Variants in TENM3 observed in about 807,000 individuals in gnomAD.
TENM3 encodes teneurin transmembrane protein 3.
A neutral mutation model predicts 255.1 loss-of-function variants in TENM3; 63 were observed. That is an observed-to-expected ratio of 0.25 (90% CI 0.20 to 0.30). The LOEUF (loss-of-function observed/expected upper bound fraction) is 0.30. Among genes scored for constraint, TENM3 ranks in the 10% least tolerant of loss-of-function variants. The probability of loss-of-function intolerance (pLI) is 1.00; values close to 1 mark genes in which losing one functional copy is unlikely to be tolerated. For missense variants in TENM3, 2,929 were observed against 3,461.1 expected (o/e 0.85, Z 3.86); for synonymous variants, 1,306 against 1,322.3 (o/e 0.99, Z 0.27).
chr4:181,689,987 G>A, the TENM3 span, among the ~76,000 whole-genome samples: 1 of 152,130 alleles, frequency 6.6e-6, no homozygotes, highest in Admixed American at 6.6e-5. Context: ...AGGTGATGCA[G>A]GGGTGCGGTT....
chr4:181,751,415 G>GAA, the TENM3 span, among the ~76,000 whole-genome samples: 1,822 of 114,658 alleles, frequency 0.016, 37 homozygotes, highest in African/African-American at 0.043. Flanking sequence ...CCTTCCAAAG[G>GAA]AAAAAAAAAA....
chr4:182,296,982 C>G (rs1216410153), intron 1 of TENM3, among the ~76,000 whole-genome samples: 2 of 152,198 alleles, frequency 1.3e-5, no homozygotes, highest in African/African-American at 4.8e-5. Flanking sequence ...AGGCCATACA[C>G]AAAGAAGGGA....
the TENM3 span, chr4:181,522,877 T>C: frequency 1.0e-6 from 1 of 993,386 alleles, no homozygotes; most frequent in Non-Finnish European, 1.6e-6. Flanking sequence ...GCTGTTATTG[T>C]GGTTGTGATG....
chr4:182,225,220 G>C (rs914705035), intron 1 of TENM3, among the ~76,000 whole-genome samples: 4 of 152,066 alleles, frequency 2.6e-5, no homozygotes, highest in Non-Finnish European at 5.9e-5. Context: ...CTCAATATAC[G>C]GCAGCAATTA....
chr4:181,783,173 C>T, the TENM3 span, among the ~76,000 whole-genome samples: 1 of 152,110 alleles, frequency 6.6e-6, no homozygotes, highest in African/African-American at 2.4e-5. Flanking sequence ...TCCTGGATAT[C>T]CTTGTTAAGT....
the TENM3 span, among the ~76,000 whole-genome samples, chr4:181,787,369 C>G: frequency 6.8e-6 from 1 of 148,028 alleles, no homozygotes; most frequent in African/African-American, 2.5e-5. Context: ...GACGGAGTCT[C>G]ACTCTGTCGC....
chr4:182,773,584 G>C lies in TENM3; in HGVS notation c.5005G>C (p.Glu1669Gln), dbSNP rs754019831. ...AGTGGACATTGAGTCATCTAGCCGA[G>C]AAGAAGATGTCAGCATCACTTCAAA... The part of the protein sequence containing the change: ...ITVDIESSSR[E>Q]EDVSITSNLS... The change falls in exon 23 of 28, where the codon GAA becomes CAA. Residue 1669 changes from glutamate (E) to glutamine (Q), a missense_variant. Transcript: ENST00000511685. 6.2e-6 allele frequency: 10 copies of C among 1,613,844 alleles called. No individual in the cohort carries two copies. The highest frequency in any genetic ancestry group is 8.5e-6 in the Non-Finnish European group (10 of 1,179,834).
the TENM3 span, among the ~76,000 whole-genome samples, chr4:181,778,082 A>G: frequency 3.9e-5 from 6 of 152,142 alleles, no homozygotes; most frequent in Non-Finnish European, 5.9e-5. Flanking sequence ...TTGCTCAACA[A>G]TGTATACCAA....
At chr4:181,460,814 T>C in the TENM3 span, among the ~76,000 whole-genome samples, 1 of 151,884 alleles carries the variant, frequency 6.6e-6, no homozygotes, top group African/African-American at 2.4e-5. Context: ...CCTTCTTTCT[T>C]TGCAGGAATA....
intron 3 of TENM3, among the ~76,000 whole-genome samples, chr4:182,530,672 G>C (rs181924776): frequency 6.3e-4 from 96 of 152,196 alleles, no homozygotes; most frequent in Middle Eastern, 3.4e-3. Flanking sequence ...TAATGTCCCC[G>C]GGGGAAAAAT....
At chr4:181,897,284 C>G in the TENM3 span, among the ~76,000 whole-genome samples, 1 of 152,188 alleles carries the variant, frequency 6.6e-6, no homozygotes, top group South Asian at 2.1e-4. Context: ...TTGGCATCTT[C>G]CAATATTCAG....
At chr4:181,994,809 A>G in the TENM3 span, among the ~76,000 whole-genome samples, 4 of 152,038 alleles carry the variant, frequency 2.6e-5, no homozygotes, top group Non-Finnish European at 1.5e-5. Flanking sequence ...AGAGTAAATA[A>G]CAAAAAGTAG....
chr4:182,310,888 T>C (rs1762403239), intron 1 of TENM3, among the ~76,000 whole-genome samples: 1 of 152,094 alleles, frequency 6.6e-6, no homozygotes, highest in Non-Finnish European at 1.5e-5. Flanking sequence ...TTTTGTATTT[T>C]TAGTAGAGAT....
chr4:181,519,270 C>T, the TENM3 span, among the ~76,000 whole-genome samples: 36 of 152,254 alleles, frequency 2.4e-4, no homozygotes, highest in Non-Finnish European at 3.5e-4. Flanking sequence ...TCGTGTGGTG[C>T]TCTGTGTTTT....
At chr4:181,729,325 G>T in the TENM3 span, among the ~76,000 whole-genome samples, 10 of 152,250 alleles carry the variant, frequency 6.6e-5, no homozygotes, top group South Asian at 2.1e-3. Flanking sequence ...CATGACTGTC[G>T]TTGCTCTAAA....
chr4:182,467,423 A>G (rs1732700105), intron 3 of TENM3, among the ~76,000 whole-genome samples: 1 of 152,234 alleles, frequency 6.6e-6, no homozygotes, highest in South Asian at 2.1e-4. Flanking sequence ...ATATCCATAA[A>G]TATACATAAA....
intron 1 of TENM3, among the ~76,000 whole-genome samples, chr4:182,271,638 G>A (rs1759632317): frequency 6.6e-6 from 1 of 152,200 alleles, no homozygotes; most frequent in Non-Finnish European, 1.5e-5. Flanking sequence ...TGATGCCTTT[G>A]TCTCGGAACC....
the TENM3 span, among the ~76,000 whole-genome samples, chr4:181,905,531 G>A: frequency 7.9e-6 from 1 of 127,312 alleles, no homozygotes; most frequent in Admixed American, 8.3e-5. Flanking sequence ...ATAATGAGCT[G>A]AGCTTTTTTT....
the TENM3 span, among the ~76,000 whole-genome samples, chr4:181,757,008 G>T: frequency 2.0e-5 from 3 of 152,184 alleles, no homozygotes; most frequent in African/African-American, 7.2e-5. Flanking sequence ...CCCTGTCTGT[G>T]TGTGAAATCT....
Sources: allele counts gnomAD v4.1 joint callset (sites outside exome capture counted in the v4.1 genomes callset), GRCh38; gene constraint gnomAD v4.1.1; transcripts MANE v1.5; gene names NCBI Gene and HGNC (gene_info 2026-07-23, HGNC 2026-07-21).